CELF2: variants seen among roughly 807,000 people sequenced by gnomAD.
The protein encoded by CELF2 is CUGBP Elav-like family member 2.
In CELF2, 8 loss-of-function variants were observed where a neutral mutation model predicts 62.6. The ratio of observed to expected loss-of-function variants is 0.13; its 90% confidence interval spans 0.07 to 0.23. CELF2 has a LOEUF of 0.23. Ranked by LOEUF, CELF2 falls within the 10% of genes least tolerant of loss-of-function variation. CELF2 has a pLI of 1.00. For missense variants in CELF2, 333 were observed against 671.0 expected (o/e 0.50, Z 5.56); for synonymous variants, 258 against 250.0 (o/e 1.03, Z -0.30).
At chr10:10,699,879 G>A in the CELF2 span, among the ~76,000 whole-genome samples, 3 of 152,164 alleles carry the variant, frequency 2.0e-5, no homozygotes, top group Admixed American at 6.5e-5. Context: ...GAACAGCATC[G>A]CCGTAGTTTC....
At chr10:10,539,848 C>T in the CELF2 span, among the ~76,000 whole-genome samples, 1 of 152,136 alleles carries the variant, frequency 6.6e-6, no homozygotes, top group Non-Finnish European at 1.5e-5. Context: ...GACTTGGCTA[C>T]CTGAAGCAGA....
Position 11,202,121 on chromosome 10 carries a change from G to A in CELF2, c.272-15304G>A, listed in dbSNP as rs151333116. Among the ~76,000 whole-genome samples, 752 of 152,192 alleles carry A rather than the reference G, an allele frequency of 4.9e-3. 6 individuals carry two copies. The highest frequency in any genetic ancestry group is 0.014 in the Middle Eastern group (4 of 294). On this transcript the variant is annotated intron_variant, in intron 2 of 12. Transcript: ENST00000633077. ...GTTTCATTGAGTTGACCAAGTTTAC[G>A]ACTCATTTTGACAGATGGTGATTCT...
intron 1 of CELF2, among the ~76,000 whole-genome samples, chr10:11,133,403 G>C (rs2059914387): frequency 6.6e-6 from 1 of 152,122 alleles, no homozygotes; most frequent in Non-Finnish European, 1.5e-5. Flanking sequence ...CATATGCCGT[G>C]GGACCAAGAA....
chr10:10,808,536 CA>C (rs1319966848), intron 1 of CELF2, among the ~76,000 whole-genome samples: 3 of 152,096 alleles, frequency 2.0e-5, no homozygotes, highest in African/African-American at 7.2e-5. Flanking sequence ...TCAAATATGT[CA>C]AAAGGTTCGA....
At chr10:10,463,563 AAAG>A in the CELF2 span, among the ~76,000 whole-genome samples, 2 of 152,228 alleles carry the variant, frequency 1.3e-5, no homozygotes, top group African/African-American at 4.8e-5. Flanking sequence ...TTAATGTTAT[AAAG>A]AAGAAAAAAA....
chr10:10,797,843 G>T (rs1261773789), upstream of CELF2, among the ~76,000 whole-genome samples: 1 of 152,158 alleles, frequency 6.6e-6, no homozygotes, highest in African/African-American at 2.4e-5. Context: ...ACCCATACGG[G>T]GCGAAGGGAT....
At chr10:10,541,884 C>G in the CELF2 span, among the ~76,000 whole-genome samples, 1 of 152,182 alleles carries the variant, frequency 6.6e-6, no homozygotes, top group Non-Finnish European at 1.5e-5. Context: ...CTCAGTCTCC[C>G]TTGACCCAAC....
chr10:10,980,604 T>A (rs1001017001), intron 2 of CELF2, among the ~76,000 whole-genome samples: 4 of 152,200 alleles, frequency 2.6e-5, no homozygotes, highest in African/African-American at 9.7e-5. Context: ...CTCAGGAGTC[T>A]TTGCACCTGC....
chr10:10,736,380 C>CTTTA, the CELF2 span, among the ~76,000 whole-genome samples: 2 of 94,926 alleles, frequency 2.1e-5, no homozygotes, highest in Non-Finnish European at 4.3e-5. Flanking sequence ...TTCTTTCTTT[C>CTTTA]TTTCTTTCTT....
At chr10:10,710,525 A>G in the CELF2 span, among the ~76,000 whole-genome samples, 1 of 152,236 alleles carries the variant, frequency 6.6e-6, no homozygotes, top group Non-Finnish European at 1.5e-5. Context: ...GTACAGCAGA[A>G]GTAGGTTTTG....
At chr10:10,868,982 T>A (rs2060557822) in intron 1 of CELF2, among the ~76,000 whole-genome samples, 1 of 152,228 alleles carries the variant, frequency 6.6e-6, no homozygotes, top group African/African-American at 2.4e-5. Context: ...GTACCACACA[T>A]GTAAAAGAAT....
chr10:11,014,083 C>T (rs192544672), upstream of CELF2, among the ~76,000 whole-genome samples: 14 of 152,288 alleles, frequency 9.2e-5, no homozygotes, highest in East Asian at 2.1e-3. Flanking sequence ...GCTGTGAGCA[C>T]GCTGGACGTG....
rs139300222 is a variant in CELF2, at chr10:10,853,652, C to T, written c.53+54835C>T. On this transcript the variant is annotated intron_variant, in intron 1 of 13. Coordinates refer to the CELF2 transcript ENST00000636488. ...TAAAAGTCCAATAGAAAAAAAAAAGCCCCCTTATTGCGAGACTAGGTCACG... is the reference window on the plus strand; with the variant it reads ...TAAAAGTCCAATAGAAAAAAAAAAGTCCCCTTATTGCGAGACTAGGTCACG... Among the ~76,000 whole-genome samples, 500 of 151,296 alleles carry T rather than the reference C, an allele frequency of 3.3e-3. 3 individuals are homozygous for T. The highest frequency in any genetic ancestry group is 0.012 in the African/African-American group (483 of 41,154).
At chr10:10,539,983 A>T in the CELF2 span, among the ~76,000 whole-genome samples, 1 of 152,170 alleles carries the variant, frequency 6.6e-6, no homozygotes, top group Non-Finnish European at 1.5e-5. Flanking sequence ...AATTATTTCC[A>T]TCGAGGTAAA....
chr10:10,608,946 G>C, the CELF2 span, among the ~76,000 whole-genome samples: 140 of 152,268 alleles, frequency 9.2e-4, no homozygotes, highest in African/African-American at 3.2e-3. Flanking sequence ...TCCAGAAATG[G>C]GGGCAGGGCA....
intron 11 of CELF2, among the ~76,000 whole-genome samples, chr10:11,322,404 G>A (rs954129759): frequency 3.3e-5 from 5 of 152,218 alleles, no homozygotes; most frequent in Non-Finnish European, 7.3e-5. Context: ...TCATGAGTAA[G>A]ACCAAATAAG....
At chr10:10,633,395 A>G in the CELF2 span, among the ~76,000 whole-genome samples, 2 of 152,032 alleles carry the variant, frequency 1.3e-5, no homozygotes, top group African/African-American at 4.8e-5. Context: ...ATATCTCAGT[A>G]TGGTGTTTGT....
chr10:11,202,901 ATCTC>A (rs56373613), intron 2 of CELF2, among the ~76,000 whole-genome samples: 2,137 of 70,574 alleles, frequency 0.03, 54 homozygotes, highest in East Asian at 0.1. Context: ...CCCCATCCTC[ATCTC>A]TCTCTCTCTC....
rs1273082473 is a variant in CELF2 at position 11,024,429 on chromosome 10, T to C, written c.74+6266T>C. 3.9e-5 allele frequency among the ~76,000 whole-genome samples: 6 copies of C among 152,270 alleles called. No homozygotes were observed. The South Asian group carries it at 1.2e-3, about 32-fold the overall frequency. On this transcript the variant is annotated intron_variant, in intron 1 of 12. Coordinates refer to ENST00000633077, the MANE Select transcript of CELF2 (RefSeq NM_001326342.2). ...CAGCCTGGCCAACATGGCAAAACCC[T>C]GTGTCTACTAAAAATACAAAAATTA... is the stretch of plus-strand genomic sequence containing the variant.
Sources: gnomAD v4.1 joint callset for allele counts (sites outside exome capture counted in the v4.1 genomes callset) on GRCh38, gnomAD v4.1.1 for gene constraint, MANE v1.5 for transcripts, NCBI Gene and HGNC (gene_info 2026-07-23, HGNC 2026-07-21) for gene names.